Variants in RAPGEF5 observed in about 807,000 individuals in gnomAD.
RAPGEF5 encodes the protein M-Ras-regulated GEF.
RAPGEF5 carries 65 observed loss-of-function variants against 125.2 expected under a neutral mutation model. That is an observed-to-expected ratio of 0.52 (90% CI 0.43 to 0.64). RAPGEF5 has a LOEUF of 0.64. RAPGEF5 is among the 30% of genes least tolerant of loss of function. The pLI is 0.00. For missense variants in RAPGEF5, 958 were observed against 1,048.1 expected (o/e 0.91, Z 1.19); for synonymous variants, 391 against 385.9 (o/e 1.01, Z -0.16).
chr7:22,201,959 T>C (rs1197846385), intron 9 of RAPGEF5, among the ~76,000 whole-genome samples: 1 of 152,126 alleles, frequency 6.6e-6, no homozygotes, highest in Non-Finnish European at 1.5e-5. Flanking sequence ...GTCTGTTAAA[T>C]GAATGCATGG....
chr7:22,219,735 G>A, intron 9 of RAPGEF5, 131 bp downstream of exon 9: 3 of 1,234,684 alleles, frequency 2.4e-6, no homozygotes, highest in Non-Finnish European at 3.3e-6. Context: ...TAAGGAGGAT[G>A]CTCTTGGGGG....
intron 11 of RAPGEF5, among the ~76,000 whole-genome samples, chr7:22,184,179 TATAA>T (rs1209336871): frequency 6.6e-6 from 1 of 152,222 alleles, no homozygotes; most frequent in Non-Finnish European, 1.5e-5. Flanking sequence ...TTTTCTAGTT[TATAA>T]ATAAATATAC....
intron 6 of RAPGEF5, among the ~76,000 whole-genome samples, chr7:22,272,342 CAAAAAAAAA>C (rs1282857477): frequency 3.6e-4 from 13 of 35,974 alleles, no homozygotes; most frequent in Admixed American, 9.0e-4. Flanking sequence ...GACTCCGTCT[CAAAAAAAAA>C]AAAAAAAAAA....
At chr7:22,337,914 C>G (rs1784055522) in intron 1 of RAPGEF5, among the ~76,000 whole-genome samples, 1 of 152,216 alleles carries the variant, frequency 6.6e-6, no homozygotes, top group African/African-American at 2.4e-5. Flanking sequence ...AATCTCTGAG[C>G]AAATCAAAGT....
intron 5 of RAPGEF5, among the ~76,000 whole-genome samples, chr7:22,294,386 C>T (rs1263724478): frequency 2.0e-5 from 3 of 152,160 alleles, no homozygotes; most frequent in African/African-American, 7.2e-5. Flanking sequence ...GGTAACTCTC[C>T]AGGGGAGAGT....
intron 5 of RAPGEF5, among the ~76,000 whole-genome samples, chr7:22,301,998 T>C (rs1334792638): frequency 6.6e-6 from 1 of 152,174 alleles, no homozygotes; most frequent in Non-Finnish European, 1.5e-5. Context: ...CATATCGTCA[T>C]ATCCCTCACA....
At chr7:22,330,947 C>T (rs1361297138) in intron 1 of RAPGEF5, among the ~76,000 whole-genome samples, 1 of 152,126 alleles carries the variant, frequency 6.6e-6, no homozygotes, top group African/African-American at 2.4e-5. Context: ...AAATTAAAAT[C>T]ATGATCCTCA....
In RAPGEF5 at chr7:22,131,075, T is replaced by C. The variant is rs1209074608; in HGVS notation, c.2443A>G (p.Lys815Glu). Residue 815 changes from lysine to glutamate, a missense_variant, in exon 24 of 26, where the codon AAA (lysine) becomes GAA (glutamate). Transcript: ENST00000665637. ...TTGACAAGATTATCCAAAAAAGTTT[T>C]ATTTCCTTCATGAATAAATGTTACA... is the stretch of plus-strand genomic sequence containing the variant. ...KDVTFIHEGN[K>E]TFLDNLVNFE... 1 of 1,536,384 alleles carries C rather than the reference T, an allele frequency of 6.5e-7. No individual in the cohort carries two copies. Among genetic ancestry groups the C allele is most frequent in the Non-Finnish European group, 8.8e-7 (1 of 1,141,312 alleles).
At chr7:22,223,287 C>T (rs767142591) in intron 8 of RAPGEF5, among the ~76,000 whole-genome samples, 5 of 152,074 alleles carry the variant, frequency 3.3e-5, no homozygotes, top group African/African-American at 4.8e-5. Context: ...AAAACTCTAT[C>T]GAATGTTGCT....
intron 7 of RAPGEF5, among the ~76,000 whole-genome samples, chr7:22,251,993 CATT>C (rs1264202454): frequency 1.3e-5 from 2 of 152,216 alleles, no homozygotes; most frequent in Admixed American, 1.3e-4. Flanking sequence ...AGGGTACACT[CATT>C]ATGCTCATCT....
intron 9 of RAPGEF5, among the ~76,000 whole-genome samples, chr7:22,204,323 T>C (rs1365115580): frequency 1.3e-5 from 2 of 152,194 alleles, no homozygotes; most frequent in East Asian, 3.9e-4. Flanking sequence ...GCAGAAGTAT[T>C]CTTCAAACTT....
intron 2 of RAPGEF5, among the ~76,000 whole-genome samples, chr7:22,317,614 T>G (rs1783629403): frequency 6.6e-6 from 1 of 152,228 alleles, no homozygotes; most frequent in Non-Finnish European, 1.5e-5. Context: ...AATCTCCTTT[T>G]ACACAAAACT....
chr7:22,326,476 C>T (rs1056416670), intron 1 of RAPGEF5, among the ~76,000 whole-genome samples: 10 of 152,146 alleles, frequency 6.6e-5, no homozygotes, highest in Non-Finnish European at 1.3e-4. Context: ...ACTATCTGGA[C>T]CTTTACAGAA....
At position 22,327,146 on chromosome 7, in the gene RAPGEF5, A is replaced by G. The variant is rs1388420849; in HGVS notation, c.232-9109T>C. On this transcript the variant is annotated intron_variant, in intron 1 of 25. Transcript: ENST00000665637. ...ACTGATGCTAAAGGCCAAATATACA[A>G]AAGTACTAGTAAATCCATAAGTGTA... is the stretch of plus-strand genomic sequence containing the variant. 4.6e-5 allele frequency among the ~76,000 whole-genome samples: 7 copies of G among 152,354 alleles called. No homozygotes were observed. In the East Asian group the frequency reaches 1.3e-3, roughly 29 times the overall value.
intron 9 of RAPGEF5, among the ~76,000 whole-genome samples, chr7:22,197,867 C>T (rs1426111608): frequency 7.2e-6 from 1 of 139,766 alleles, no homozygotes; most frequent in African/African-American, 2.7e-5. Flanking sequence ...GAGAGCAACA[C>T]ATTAAATCTC....
intron 5 of RAPGEF5, among the ~76,000 whole-genome samples, chr7:22,294,778 C>A (rs968348412): frequency 5.6e-4 from 86 of 152,344 alleles, no homozygotes; most frequent in Middle Eastern, 3.4e-3. Flanking sequence ...GCCACAACAT[C>A]TCTCACCTGG....
intron 25 of RAPGEF5, among the ~76,000 whole-genome samples, chr7:22,123,615 G>T (rs1185101920): frequency 6.6e-6 from 1 of 152,136 alleles, no homozygotes; most frequent in Non-Finnish European, 1.5e-5. Flanking sequence ...TTTAAGACCT[G>T]TATGACATGG....
chr7:22,132,326 C>T (rs980944885), intron 23 of RAPGEF5, among the ~76,000 whole-genome samples: 1 of 152,052 alleles, frequency 6.6e-6, no homozygotes, highest in Admixed American at 6.5e-5. Flanking sequence ...GCGTTATACA[C>T]AGCTTCCAAT....
rs1322080225 is a variant in RAPGEF5 at position 22,202,171 on chromosome 7, A to G, written c.997-8138T>C. On this transcript the variant is annotated intron_variant, in intron 9 of 25. Coordinates refer to ENST00000665637, the MANE Select transcript of RAPGEF5 (RefSeq NM_012294.5). Reference sequence around the variant, plus strand: ...AAAATCTAGTCCACTGTAGCTGGGAACCAAAGCTTAAAGTCAGATCTAGGC... The same window carrying G: ...AAAATCTAGTCCACTGTAGCTGGGAGCCAAAGCTTAAAGTCAGATCTAGGC... 2.0e-5 allele frequency among the ~76,000 whole-genome samples: 3 copies of G among 152,296 alleles called. No homozygotes were observed. In the East Asian group the frequency reaches 5.8e-4, roughly 29 times the overall value.
Sources: allele counts gnomAD v4.1 joint callset (sites outside exome capture counted in the v4.1 genomes callset), GRCh38; gene constraint gnomAD v4.1.1; transcripts MANE v1.5; gene names NCBI Gene and HGNC (gene_info 2026-07-23, HGNC 2026-07-21).